EFCAB8: variants seen among roughly 807,000 people sequenced by gnomAD.
EFCAB8 encodes EF-hand calcium-binding domain-containing protein 8.
EFCAB8 carries 100 observed loss-of-function variants against 116.3 expected under a neutral mutation model. The observed-to-expected ratio is 0.86, with a 90% confidence interval of 0.73 to 1.02. The LOEUF is 1.02. EFCAB8 is among the 50% of genes least tolerant of loss of function. The probability of loss-of-function intolerance (pLI) is 0.00; values close to 1 mark genes in which losing one functional copy is unlikely to be tolerated. For synonymous variants in EFCAB8, 558 were observed against 567.9 expected (o/e 0.98, Z 0.25); for missense variants, 1,320 against 1,416.9 (o/e 0.93, Z 1.10).
At chr20:32,884,805 G>A (rs1985524721) in intron 5 of EFCAB8, among the ~76,000 whole-genome samples, 3 of 152,192 alleles carry the variant, frequency 2.0e-5, no homozygotes, top group Admixed American at 1.3e-4. Context: ...AGGAGAGTGT[G>A]TGCCATGCCA....
chr20:32,874,358 G>A (rs1984841906), intron 3 of EFCAB8, among the ~76,000 whole-genome samples: 1 of 152,104 alleles, frequency 6.6e-6, no homozygotes, highest in African/African-American at 2.4e-5. Flanking sequence ...GACCAGCTGG[G>A]ACTACAGGCT....
At chr20:32,865,455 G>T (rs759436682) in intron 2 of EFCAB8, among the ~76,000 whole-genome samples, 3 of 152,076 alleles carry the variant, frequency 2.0e-5, no homozygotes, top group Non-Finnish European at 2.9e-5. Context: ...GCTACACTCC[G>T]GAGTTGGGGT....
rs762608395 is a variant in EFCAB8 at position 32,896,443 on chromosome 20, T to C, written c.884-11T>C. 1.0e-4 allele frequency: 73 copies of C among 718,578 alleles called. No individual in the cohort carries two copies. Among genetic ancestry groups the C allele is most frequent in the Admixed American group, 1.4e-4 (7 of 49,948 alleles). 44.5% of individuals were successfully genotyped at this position (718,578 alleles called of 1,614,324 possible). ...GCTGCTGATGTGGACCTTGGTTTTT[T>C]CCCCTATCAGATCACTGGATCAAAG... On this transcript the variant is annotated splice_polypyrimidine_tract_variant and intron_variant, in intron 9 of 26. Transcript: ENST00000400522.
chr20:32,916,294 A>G lies in EFCAB8; in HGVS notation c.1857-1007A>G, dbSNP rs187165701. Among the ~76,000 whole-genome samples, 13 of 152,062 alleles carry G rather than the reference A, an allele frequency of 8.5e-5. No homozygotes were observed. In the East Asian group the frequency reaches 2.3e-3, roughly 27 times the overall value. ...TTTTTAAGAGACAGGATCTTGCTCTATTGCCTAGGCTGGAGTGCAGTGGCA... is the reference window on the plus strand; with the variant it reads ...TTTTTAAGAGACAGGATCTTGCTCTGTTGCCTAGGCTGGAGTGCAGTGGCA... On this transcript the variant is annotated intron_variant, in intron 17 of 26. Transcript: ENST00000400522.
At chr20:32,895,022 C>A (rs1275040349) in intron 9 of EFCAB8, among the ~76,000 whole-genome samples, 1 of 152,240 alleles carries the variant, frequency 6.6e-6, no homozygotes, top group African/African-American at 2.4e-5. Flanking sequence ...TGGCATGAGC[C>A]GCCAGATCCA....
At chr20:32,890,516 C>G (rs538789225) in intron 7 of EFCAB8, among the ~76,000 whole-genome samples, 12 of 152,166 alleles carry the variant, frequency 7.9e-5, no homozygotes, top group African/African-American at 2.7e-4. Context: ...TGCATCTGTT[C>G]TGCTCAACTC....
intron 5 of EFCAB8, among the ~76,000 whole-genome samples, chr20:32,882,428 G>A (rs1179910357): frequency 6.6e-6 from 1 of 152,192 alleles, no homozygotes. Flanking sequence ...TCAGTCCTGG[G>A]GTAAAGAGGC....
intron 7 of EFCAB8, 85 bp from the exon 8 acceptor site, chr20:32,892,128 G>T: frequency 8.3e-7 from 1 of 1,203,644 alleles, no homozygotes; most frequent in South Asian, 1.3e-5. Flanking sequence ...GAGATTCCTT[G>T]GGATAGCAAT....
chr20:32,914,298 C>T (rs1987081452), intron 17 of EFCAB8, among the ~76,000 whole-genome samples: 1 of 152,136 alleles, frequency 6.6e-6, no homozygotes, highest in Non-Finnish European at 1.5e-5. Flanking sequence ...AACCATTCTG[C>T]CCCCAGAGCC....
At chr20:32,904,809 T>G (rs1056482899) in intron 11 of EFCAB8, among the ~76,000 whole-genome samples, 1 of 151,954 alleles carries the variant, frequency 6.6e-6, no homozygotes, top group African/African-American at 2.4e-5. Flanking sequence ...GTATTTTTAG[T>G]AGAGGCGAGG....
chr20:32,894,900 A>T (rs534012789), intron 9 of EFCAB8, among the ~76,000 whole-genome samples: 2 of 152,370 alleles, frequency 1.3e-5, no homozygotes, highest in Admixed American at 6.5e-5. Flanking sequence ...GTGCACAACC[A>T]GCCCCACTCT....
chr20:32,915,592 C>G (rs574931213), intron 17 of EFCAB8, among the ~76,000 whole-genome samples: 1 of 152,174 alleles, frequency 6.6e-6, no homozygotes, highest in African/African-American at 2.4e-5. Context: ...TAGGCCCTCA[C>G]TGGAATCACC....
At chr20:32,908,047 G>A (rs1986758666) in intron 13 of EFCAB8, among the ~76,000 whole-genome samples, 1 of 152,202 alleles carries the variant, frequency 6.6e-6, no homozygotes, top group Non-Finnish European at 1.5e-5. Context: ...GCAGGCTGGG[G>A]GTGGAGCTGT....
At chr20:32,899,699 C>T (rs948308382) in intron 11 of EFCAB8, among the ~76,000 whole-genome samples, 5 of 151,980 alleles carry the variant, frequency 3.3e-5, no homozygotes, top group East Asian at 2.0e-4. Flanking sequence ...CTCAGCCTCC[C>T]GAGTACCTGG....
intron 8 of EFCAB8, among the ~76,000 whole-genome samples, chr20:32,892,647 AT>A (rs1440446151): frequency 2.0e-5 from 3 of 152,020 alleles, no homozygotes; most frequent in Non-Finnish European, 4.4e-5. Flanking sequence ...GGATTCATTT[AT>A]TTTGATTGAG....
chr20:32,873,086 T>TC lies in EFCAB8; in HGVS notation c.209-2838dup, dbSNP rs767716425. ...CCAGCCTGGGCAATAAGAGCAAAAC[T>TC]CCATCTCAAAGAGCAAAACAAAACA... On this transcript the variant is annotated intron_variant, in intron 3 of 26. Transcript: ENST00000400522. Among the ~76,000 whole-genome samples the TC allele has an allele frequency of 5.2e-4, 79 of 151,824 alleles. 1 individual carries two copies. Among genetic ancestry groups the TC allele is most frequent in the African/African-American group, 1.8e-3 (75 of 41,330 alleles).
intron 11 of EFCAB8, among the ~76,000 whole-genome samples, chr20:32,905,766 A>AAAAAAAAAAAAAG (rs1986646537): frequency 6.7e-6 from 1 of 150,004 alleles, no homozygotes; most frequent in African/African-American, 2.4e-5. Flanking sequence ...TCTCAAAAAA[A>AAAAAAAAAAAAAG]AAAAAAAGGA....
rs531580945 is a variant in EFCAB8 at position 32,943,653 on chromosome 20, C to A, written c.2808C>A (p.Thr936=). ...LEDKEVVAGH[T]ISLVPPTLLM... is the part of the protein sequence containing the mutation. ...CCCTATAGGTTGTGGCTGGCCATAC[C>A]ATTTCCCTGGTTCCCCCCACGCTCC... Residue 936 remains threonine, a synonymous_variant, in exon 23 of 27, where the codon ACC becomes ACA. Coordinates refer to ENST00000400522, the MANE Select transcript of EFCAB8 (RefSeq NM_001143967.2). 2.4e-6 allele frequency: 1 copy of A among 417,068 alleles called. No individual in the cohort carries two copies. Among genetic ancestry groups the A allele is most frequent in the South Asian group, 1.3e-4 (1 of 7,946 alleles). The allele number at this position is 417,068 out of a possible 1,614,324, so 25.8% of individuals were successfully genotyped here.
intron 5 of EFCAB8, among the ~76,000 whole-genome samples, chr20:32,881,395 C>T (rs1985330402): frequency 6.6e-6 from 1 of 152,152 alleles, no homozygotes; most frequent in African/African-American, 2.4e-5. Context: ...TGGAGTTTCA[C>T]CATGTTGACC....
Sources: allele counts gnomAD v4.1 joint callset (sites outside exome capture counted in the v4.1 genomes callset), GRCh38; gene constraint gnomAD v4.1.1; transcripts MANE v1.5; gene names NCBI Gene and HGNC (gene_info 2026-07-23, HGNC 2026-07-21).